The following SIPA1L2 variants were observed in gnomAD, a reference collection of about 807,000 sequenced individuals.
The protein encoded by SIPA1L2 is signal-induced proliferation-associated 1-like protein 2.
A neutral mutation model predicts 163.9 loss-of-function variants in SIPA1L2; 56 were observed. The observed-to-expected ratio is 0.34, with a 90% CI of 0.28 to 0.43. The LOEUF (loss-of-function observed/expected upper bound fraction) is 0.43, where lower values mean the gene tolerates loss of function less well. Ranked by LOEUF, SIPA1L2 falls within the 20% of genes least tolerant of loss-of-function variation. SIPA1L2 has a pLI of 1.00. For synonymous variants in SIPA1L2, 877 were observed against 865.7 expected (o/e 1.01, Z -0.23); for missense variants, 1,974 against 2,193.5 (o/e 0.90, Z 2.00).
At chr1:232,464,801 A>G in intron 9 of SIPA1L2, 39 bp downstream of exon 9, 1 of 1,496,164 alleles carries the variant, frequency 6.7e-7, no homozygotes, top group Non-Finnish European at 9.0e-7. Flanking sequence ...TGGAATTGAA[A>G]ACATAAGGAT....
Position 232,441,263 on chromosome 1 carries a change from GTGAAGGGCTTA to G in SIPA1L2, c.3642+17_3642+27del. 2 of 1,556,650 alleles carry G rather than the reference GTGAAGGGCTTA, an allele frequency of 1.3e-6. No homozygotes were observed. Among genetic ancestry groups the G allele is most frequent in the Non-Finnish European group, 1.7e-6 (2 of 1,149,090 alleles). ...AGACAGATCAGTCCTGGCTAGGCCA[GTGAAGGGCTTA>G]TGAACAAAGGACTTACGTGAGAAAG... On this transcript the variant is annotated intron_variant, in intron 14 of 22. Transcript: ENST00000674635.
In SIPA1L2 at chr1:232,514,273, T is replaced by C; in HGVS notation, c.1067A>G (p.Asn356Ser). 1 of 1,614,024 alleles carries C rather than the reference T, an allele frequency of 6.2e-7. No individual in the cohort carries two copies. Among genetic ancestry groups the C allele is most frequent in the Non-Finnish European group, 8.5e-7 (1 of 1,180,036 alleles). The change falls in exon 3 of 23, where the codon AAC becomes AGC. Residue 356 changes from asparagine to serine, a missense_variant. Coordinates refer to ENST00000674635, the MANE Select transcript of SIPA1L2 (RefSeq NM_020808.5). ...ATRANVGKRK[N>S]ITTGASAASQ... Reference sequence around the variant, plus strand: ...TGCTGCAGATGCCCCAGTGGTTATGTTTTTCCTTTTCCCCACATTAGCCCT... The same window carrying C: ...TGCTGCAGATGCCCCAGTGGTTATGCTTTTCCTTTTCCCCACATTAGCCCT...
intron 22 of SIPA1L2, among the ~76,000 whole-genome samples, chr1:232,399,891 A>G (rs1660230849): frequency 6.6e-6 from 1 of 152,154 alleles, no homozygotes; most frequent in Admixed American, 6.5e-5. Context: ...AAATGAATAG[A>G]GGGGTCACTG....
In SIPA1L2 at chr1:232,465,421, G is replaced by A; in HGVS notation, c.2244-5C>T. 6.3e-7 allele frequency: 1 copy of A among 1,590,750 alleles called. No individual in the cohort carries two copies. On this transcript the variant is annotated splice_region_variant and splice_polypyrimidine_tract_variant and intron_variant, in intron 8 of 22. Coordinates refer to ENST00000674635, the MANE Select transcript of SIPA1L2 (RefSeq NM_020808.5). This position sits in a 1 kb window ranked among gnomAD's most constrained non-coding sequence, Gnocchi z 4.1. ...TTTGATCTGGAAACTCCAACACTGA[G>A]GAAGTAAAAACAGAAACAAAATGAG...
At chr1:232,526,959 G>A (rs151158282) in intron 2 of SIPA1L2, among the ~76,000 whole-genome samples, 160 of 152,270 alleles carry the variant, frequency 1.1e-3, no homozygotes, top group Admixed American at 2.7e-3. Flanking sequence ...CCATACCGCC[G>A]TCTTCTTGGG....
intron 2 of SIPA1L2, among the ~76,000 whole-genome samples, chr1:232,530,399 C>A (rs1368091154): frequency 1.3e-5 from 2 of 152,264 alleles, no homozygotes; most frequent in East Asian, 3.9e-4. Flanking sequence ...CAGGCGTGAG[C>A]CACCGTGCTG....
At chr1:232,436,769 C>T (rs1023370657) in intron 15 of SIPA1L2, among the ~76,000 whole-genome samples, 1 of 152,164 alleles carries the variant, frequency 6.6e-6, no homozygotes, top group African/African-American at 2.4e-5. Flanking sequence ...TCCCATCCCT[C>T]CTCCTCGCCT....
intron 10 of SIPA1L2, among the ~76,000 whole-genome samples, chr1:232,455,639 AGC>A (rs1663858753): frequency 6.9e-6 from 1 of 144,930 alleles, no homozygotes; most frequent in Non-Finnish European, 1.5e-5. Context: ...CGGAGCTTGC[AGC>A]GAGCCGGAGC....
In SIPA1L2 at chr1:232,532,760, C is replaced by T. The variant is rs149597746; in HGVS notation, c.-269-17152G>A. ...GCTTAGCTGCTATATGACCCAATCACGGCAAATGCCCAGAGTAATATAAGC... is the reference window on the plus strand; with the variant it reads ...GCTTAGCTGCTATATGACCCAATCATGGCAAATGCCCAGAGTAATATAAGC... On this transcript the variant is annotated intron_variant, in intron 2 of 22. Coordinates refer to ENST00000674635, the MANE Select transcript of SIPA1L2 (RefSeq NM_020808.5). Among the ~76,000 whole-genome samples, 569 of 152,246 alleles carry T rather than the reference C, an allele frequency of 3.7e-3. 7 individuals carry two copies. The highest frequency in any genetic ancestry group is 7.1e-3 in the African/African-American group (296 of 41,540).
rs1661217085 is a variant in SIPA1L2 at position 232,415,803 on chromosome 1, T to C, written c.4631-178A>G. Reference sequence around the variant, plus strand: ...GCACCACTGTCCCTCCCAGAGTCAGTCAGTCAGAACACGGGCACCACTGTC... The same window carrying C: ...GCACCACTGTCCCTCCCAGAGTCAGCCAGTCAGAACACGGGCACCACTGTC... On this transcript the variant is annotated intron_variant, in intron 18 of 22. Transcript: ENST00000674635. The C allele has an allele frequency of 8.2e-6, 5 of 606,998 alleles. No homozygotes were observed. In the East Asian group the frequency reaches 1.6e-4, roughly 19 times the overall value. The allele number at this position is 606,998 out of a possible 1,614,324, so 37.6% of individuals were successfully genotyped here.
intron 7 of SIPA1L2, among the ~76,000 whole-genome samples, chr1:232,475,336 A>G (rs1413113509): frequency 2.6e-5 from 4 of 152,184 alleles, no homozygotes; most frequent in Non-Finnish European, 5.9e-5. Flanking sequence ...CTTCACCCAG[A>G]GGGTTGGCTT....
At chr1:232,479,489 A>T (rs1254733680) in intron 7 of SIPA1L2, 138 bp downstream of exon 7, 3 of 675,204 alleles carry the variant, frequency 4.4e-6, no homozygotes, top group Non-Finnish European at 7.7e-6. Flanking sequence ...CAAATGATCA[A>T]AGAGTCAAAG....
intron 2 of SIPA1L2, among the ~76,000 whole-genome samples, chr1:232,558,721 G>A (rs985988452): frequency 3.3e-5 from 5 of 152,126 alleles, no homozygotes; most frequent in Non-Finnish European, 7.4e-5. Context: ...TCTCCTGGCT[G>A]ATGCATGATC....
chr1:232,445,818 A>C, intron 10 of SIPA1L2, 32 bp from the exon 11 acceptor site: 1 of 1,599,008 alleles, frequency 6.3e-7, no homozygotes, highest in South Asian at 1.1e-5. Flanking sequence ...GTGAGAAGGG[A>C]AGCTCTCAGC....
intron 10 of SIPA1L2, among the ~76,000 whole-genome samples, chr1:232,454,437 A>C (rs1031766389): frequency 6.6e-6 from 1 of 152,246 alleles, no homozygotes; most frequent in Non-Finnish European, 1.5e-5. Context: ...AGCACTGGAC[A>C]GAAGCTCAGC....
chr1:232,551,680 CGG>C (rs1658391528), intron 2 of SIPA1L2, among the ~76,000 whole-genome samples: 1 of 152,124 alleles, frequency 6.6e-6, no homozygotes, highest in South Asian at 2.1e-4. Context: ...AGCAGGAGGG[CGG>C]AAGGGTTGCG....
chr1:232,602,724 G>A (rs1156265674), intron 1 of SIPA1L2, among the ~76,000 whole-genome samples: 1 of 152,202 alleles, frequency 6.6e-6, no homozygotes, highest in African/African-American at 2.4e-5. Context: ...GAAATGGGCA[G>A]AGTAGACAAC....
chr1:232,565,971 A>G (rs563797886), intron 2 of SIPA1L2, among the ~76,000 whole-genome samples: 15 of 152,266 alleles, frequency 9.9e-5, no homozygotes, highest in Non-Finnish European at 1.8e-4. Context: ...GGTGATGATT[A>G]CATTATAATA....
chr1:232,461,639 T>G (rs1664241777), intron 9 of SIPA1L2, among the ~76,000 whole-genome samples: 1 of 152,146 alleles, frequency 6.6e-6, no homozygotes, highest in Non-Finnish European at 1.5e-5. Flanking sequence ...CAGCAAGCAC[T>G]AAAAACCATG....
Sources: allele counts gnomAD v4.1 joint callset (sites outside exome capture counted in the v4.1 genomes callset), GRCh38; gene constraint gnomAD v4.1.1; non-coding constraint Gnocchi (gnomAD v3.1); transcripts MANE v1.5; gene names NCBI Gene and HGNC (gene_info 2026-07-23, HGNC 2026-07-21).